Variants in CCR3 observed in about 807,000 individuals in gnomAD.
The protein encoded by CCR3 is C-C motif chemokine receptor 3.
For synonymous variants in CCR3, 203 were observed against 179.2 expected (o/e 1.13, Z -1.06); for missense variants, 419 against 437.5 (o/e 0.96, Z 0.38).
At chr3:46,258,094 C>T (rs1700461740) in intron 1 of CCR3, among the ~76,000 whole-genome samples, 1 of 152,202 alleles carries the variant, frequency 6.6e-6, no homozygotes. Flanking sequence ...CCACCTAATC[C>T]ACTCAGACTC....
intron 2 of CCR3, among the ~76,000 whole-genome samples, chr3:46,220,528 T>C (rs1474783690): frequency 6.6e-6 from 1 of 152,170 alleles, no homozygotes; most frequent in African/African-American, 2.4e-5. Flanking sequence ...AAGAAGTCGT[T>C]ACAATGAAAA....
chr3:46,261,665 C>T (rs1700527604), intron 1 of CCR3, among the ~76,000 whole-genome samples: 1 of 152,258 alleles, frequency 6.6e-6, no homozygotes, highest in Non-Finnish European at 1.5e-5. Context: ...CTGTGGGGCA[C>T]TTCCTTACCA....
Position 46,266,606 on chromosome 3 carries a change from A to T in CCR3, c.*380A>T, listed in dbSNP as rs1376719296. The T allele has an allele frequency of 5.3e-6, 1 of 188,046 alleles. No homozygotes were observed. Among genetic ancestry groups the T allele is most frequent in the African/African-American group, 2.4e-5 (1 of 42,290 alleles). 11.6% of individuals were successfully genotyped at this position (188,046 alleles called of 1,614,324 possible). ...TGATATAAATAAAACATTTTCACAC[A>T]ATACAATAAGTTAACTATTTTATTT... On this transcript the variant is annotated 3_prime_UTR_variant, in exon 2 of 2. Coordinates refer to ENST00000395940, the MANE Select transcript of CCR3 (RefSeq NM_178329.3).
intron 1 of CCR3, among the ~76,000 whole-genome samples, chr3:46,257,113 C>T (rs1451324780): frequency 6.6e-6 from 1 of 152,110 alleles, no homozygotes. Flanking sequence ...AGATTAAATA[C>T]ATAGCATAGT....
intron 1 of CCR3, among the ~76,000 whole-genome samples, chr3:46,248,214 G>A (rs1418613409): frequency 2.6e-5 from 4 of 152,180 alleles, no homozygotes; most frequent in Non-Finnish European, 5.9e-5. Flanking sequence ...AGGAATGATG[G>A]TAATTGTGGG....
At chr3:46,250,429 G>A (rs1700283805) in intron 1 of CCR3, among the ~76,000 whole-genome samples, 2 of 152,050 alleles carry the variant, frequency 1.3e-5, no homozygotes, top group Non-Finnish European at 2.9e-5. Context: ...AGGCGGGAGG[G>A]AAACAAGGAA....
chr3:46,249,610 T>C (rs914038673), intron 1 of CCR3, among the ~76,000 whole-genome samples: 7 of 152,182 alleles, frequency 4.6e-5, no homozygotes, highest in Non-Finnish European at 7.3e-5. Flanking sequence ...TCAGAGAGCC[T>C]TGGGCCAGAG....
At chr3:46,218,045 G>C (rs1378153779) in intron 2 of CCR3, among the ~76,000 whole-genome samples, 1 of 151,588 alleles carries the variant, frequency 6.6e-6, no homozygotes, top group Non-Finnish European at 1.5e-5. Context: ...TCTTTGAAAA[G>C]ATAAGCAAAA....
chr3:46,259,142 GAA>G (rs553502050), intron 1 of CCR3, among the ~76,000 whole-genome samples: 193 of 152,312 alleles, frequency 1.3e-3, no homozygotes, highest in African/African-American at 4.3e-3. Context: ...TGATTTCTCT[GAA>G]GTTTATTTTA....
intron 1 of CCR3, among the ~76,000 whole-genome samples, chr3:46,247,912 G>T (rs13065041): frequency 0.057 from 8,688 of 152,184 alleles, 375 homozygotes; most frequent in South Asian, 0.18. Flanking sequence ...AATAGCAGAT[G>T]GAACACTGAG....
At chr3:46,215,811 C>T (rs1199954266) in intron 2 of CCR3, among the ~76,000 whole-genome samples, 1 of 152,206 alleles carries the variant, frequency 6.6e-6, no homozygotes, top group African/African-American at 2.4e-5. Flanking sequence ...CAGCACACCC[C>T]AGCACATTTC....
chr3:46,262,091 C>T (rs754402991), intron 1 of CCR3, among the ~76,000 whole-genome samples: 7 of 152,290 alleles, frequency 4.6e-5, no homozygotes, highest in Non-Finnish European at 5.9e-5. Flanking sequence ...GTGGCCCTTC[C>T]TCCAGATCTC....
intron 2 of CCR3, among the ~76,000 whole-genome samples, chr3:46,228,975 C>T (rs1035164867): frequency 6.6e-6 from 1 of 152,176 alleles, no homozygotes; most frequent in Non-Finnish European, 1.5e-5. Context: ...GTCAATGTCT[C>T]TTTCTTCTTC....
chr3:46,230,431 C>T (rs1403850176), intron 2 of CCR3, among the ~76,000 whole-genome samples: 2 of 152,118 alleles, frequency 1.3e-5, no homozygotes, highest in African/African-American at 4.8e-5. Flanking sequence ...TGTAACCCCT[C>T]ATGCCACATC....
chr3:46,225,560 G>A (rs1015410138), intron 2 of CCR3, among the ~76,000 whole-genome samples: 1 of 152,124 alleles, frequency 6.6e-6, no homozygotes, highest in Admixed American at 6.5e-5. Flanking sequence ...CATTTTCTCT[G>A]CATCCTTGCC....
At chr3:46,257,514 C>G (rs1048256948) in intron 1 of CCR3, among the ~76,000 whole-genome samples, 23 of 145,020 alleles carry the variant, frequency 1.6e-4, no homozygotes, top group Admixed American at 1.5e-3. Context: ...TATTGTGATG[C>G]TCATTAGACA....
chr3:46,224,527 G>T (rs1449562034), intron 2 of CCR3, among the ~76,000 whole-genome samples: 1 of 151,682 alleles, frequency 6.6e-6, no homozygotes, highest in African/African-American at 2.4e-5. Context: ...TACCTGAGGT[G>T]AGGAGTTTGA....
At chr3:46,218,417 C>A (rs1699799820) in intron 2 of CCR3, among the ~76,000 whole-genome samples, 1 of 151,928 alleles carries the variant, frequency 6.6e-6, no homozygotes, top group African/African-American at 2.4e-5. Flanking sequence ...GGCACCAATC[C>A]TACTGACACT....
rs758465669 is a variant in CCR3 at position 46,242,980 on chromosome 3, C to CATATATATATATATATATATATAT, written c.-12+443_-12+444insTATATATATATATATATATATATA. 5.3e-4 allele frequency among the ~76,000 whole-genome samples: 52 copies of CATATATATATATATATATATATAT among 98,908 alleles called. 1 individual carries two copies. Among genetic ancestry groups the CATATATATATATATATATATATAT allele is most frequent in the African/African-American group, 1.8e-3 (40 of 22,626 alleles). The allele number at this position is 98,908 out of a possible 152,430, so 64.9% of individuals were successfully genotyped here. ...ATATATGTGTATATATATATATATA[C>CATATATATATATATATATATATAT]ACATATATATATATATATATATACG... On this transcript the variant is annotated intron_variant, in intron 1 of 1. Transcript: ENST00000395940.
Sources: gnomAD v4.1 joint callset for allele counts (sites outside exome capture counted in the v4.1 genomes callset) on GRCh38, gnomAD v4.1.1 for gene constraint, MANE v1.5 for transcripts, NCBI Gene and HGNC (gene_info 2026-07-23, HGNC 2026-07-21) for gene names.